The following PTGER3 variants were observed in gnomAD, a reference collection of about 807,000 sequenced individuals.
PTGER3 encodes prostaglandin E2 receptor EP3 subtype.
Under a neutral mutation model 34.7 loss-of-function variants are expected in PTGER3, and 22 were observed. The observed-to-expected ratio is 0.63, with a 90% CI of 0.45 to 0.91. PTGER3 has a LOEUF of 0.91. Ranked by LOEUF, PTGER3 falls within the 40% of genes least tolerant of loss-of-function variation. The probability of loss-of-function intolerance (pLI) is 0.00; values close to 1 mark genes in which losing one functional copy is unlikely to be tolerated. For synonymous variants in PTGER3, 241 were observed against 230.1 expected, an observed-to-expected ratio of 1.05 and a Z score of -0.43; for missense variants, 468 against 519.4, an observed-to-expected ratio of 0.90 and a Z score of 0.96.
intron 4 of PTGER3, among the ~76,000 whole-genome samples, chr1:70,878,766 C>T (rs1246325956): frequency 2.0e-5 from 3 of 152,012 alleles, no homozygotes; most frequent in African/African-American, 7.2e-5. Context: ...AATTTCCATA[C>T]AATTGTATTG....
chr1:70,918,952 G>C (rs899901945), intron 4 of PTGER3, among the ~76,000 whole-genome samples: 4 of 152,044 alleles, frequency 2.6e-5, no homozygotes. Flanking sequence ...CAATGAAATA[G>C]TTATAGTTTC....
chr1:70,962,111 T>A (rs532116235), intron 2 of PTGER3, among the ~76,000 whole-genome samples: 1 of 152,214 alleles, frequency 6.6e-6, no homozygotes, highest in South Asian at 2.1e-4. Context: ...AGATCAGATA[T>A]AGAGTCTTGA....
chr1:70,943,093 A>G (rs1337512056), intron 4 of PTGER3, among the ~76,000 whole-genome samples: 1 of 152,058 alleles, frequency 6.6e-6, no homozygotes, highest in African/African-American at 2.4e-5. Context: ...TATCTTTGCT[A>G]TTTTTCAATC....
intron 2 of PTGER3, among the ~76,000 whole-genome samples, chr1:70,989,637 A>G (rs2100762992): frequency 6.6e-6 from 1 of 152,346 alleles, no homozygotes; most frequent in South Asian, 2.1e-4. Flanking sequence ...GAGACTGAAA[A>G]TAAAAATAAA....
At chr1:70,952,941 A>G in exon 4 of PTGER3, 3 of 1,611,998 alleles carry the variant, frequency 1.9e-6, no homozygotes, top group Non-Finnish European at 2.5e-6. Flanking sequence ...TCTGGTGTAC[A>G]CATTAATGCT....
intron 1 of PTGER3, among the ~76,000 whole-genome samples, chr1:71,026,198 T>G (rs946917714): frequency 1.3e-5 from 2 of 152,210 alleles, no homozygotes; most frequent in African/African-American, 2.4e-5. Flanking sequence ...ACCAGCTTTC[T>G]TTACAGCTAA....
chr1:71,009,065 T>C (rs1470610193), intron 2 of PTGER3: 1 of 985,072 alleles, frequency 1.0e-6, no homozygotes, highest in African/African-American at 1.7e-5. Context: ...GTGGAGAAGG[T>C]TGAAAGCTGA....
At chr1:70,983,989 A>T (rs1654650769) in intron 2 of PTGER3, among the ~76,000 whole-genome samples, 1 of 152,186 alleles carries the variant, frequency 6.6e-6, no homozygotes, top group Admixed American at 6.5e-5. Context: ...CCGGAAGACG[A>T]ACGGTACACA....
At chr1:70,876,352 G>A (rs1226509307) in intron 4 of PTGER3, among the ~76,000 whole-genome samples, 3 of 150,118 alleles carry the variant, frequency 2.0e-5, no homozygotes, top group East Asian at 2.0e-4. Flanking sequence ...TTTGTTAGAT[G>A]TGTAGTTTGC....
intron 2 of PTGER3, among the ~76,000 whole-genome samples, chr1:70,956,801 C>T (rs562439703): frequency 1.3e-5 from 2 of 152,170 alleles, no homozygotes; most frequent in African/African-American, 2.4e-5. Flanking sequence ...GCCAGGGGTT[C>T]GAGAACAGCC....
chr1:71,007,856 C>A (rs1657104131), intron 2 of PTGER3: 14 of 985,148 alleles, frequency 1.4e-5, no homozygotes, highest in Non-Finnish European at 1.7e-5. Flanking sequence ...TGAAGAGATG[C>A]ACAAATGATA....
At chr1:71,007,768 CT>C (rs1240517014) in intron 2 of PTGER3, 1 of 985,140 alleles carries the variant, frequency 1.0e-6, no homozygotes, top group African/African-American at 1.7e-5. Flanking sequence ...TAATGATTGG[CT>C]GTTTTTGCCT....
intron 4 of PTGER3, among the ~76,000 whole-genome samples, chr1:70,931,539 T>C (rs1021935854): frequency 6.6e-6 from 1 of 152,210 alleles, no homozygotes; most frequent in Non-Finnish European, 1.5e-5. Context: ...TTTCTATGTA[T>C]CCTCTGAAAT....
At chr1:70,991,268 A>C (rs1424570292) in intron 2 of PTGER3, among the ~76,000 whole-genome samples, 1 of 151,932 alleles carries the variant, frequency 6.6e-6, no homozygotes, top group South Asian at 2.1e-4. Context: ...TGCACATTAC[A>C]CTTTGGTTTT....
chr1:70,889,476 T>A (rs1272156089), intron 4 of PTGER3, among the ~76,000 whole-genome samples: 2 of 152,084 alleles, frequency 1.3e-5, no homozygotes, highest in African/African-American at 2.4e-5. Context: ...TTATTTATTT[T>A]ATGTTAATGA....
chr1:70,932,266 C>T (rs950706870), intron 4 of PTGER3, among the ~76,000 whole-genome samples: 1 of 152,172 alleles, frequency 6.6e-6, no homozygotes, highest in Non-Finnish European at 1.5e-5. Context: ...CAAAGCCATT[C>T]ATCAAGTCTC....
chr1:70,922,250 G>A lies in PTGER3; in HGVS notation c.*23+31513C>T, dbSNP rs999376779. ...AAGAAAGAGATTTTATATAAGAAAC[G>A]ATCTTCTATGGTAAATTCTTGTCCT... On this transcript the variant is annotated intron_variant, in intron 4 of 4. Coordinates refer to the PTGER3 transcript ENST00000370931. Among the ~76,000 whole-genome samples, 4 of 152,072 alleles carry A rather than the reference G, an allele frequency of 2.6e-5. No homozygotes were observed. In the East Asian group the frequency reaches 7.7e-4, roughly 29 times the overall value.
intron 4 of PTGER3, among the ~76,000 whole-genome samples, chr1:70,946,712 G>C (rs1650258953): frequency 6.6e-6 from 1 of 152,096 alleles, no homozygotes; most frequent in African/African-American, 2.4e-5. Context: ...GGCACAGTTT[G>C]CCTACCGGAA....
chr1:70,869,291 CA>C, intron 4 of PTGER3: 1 of 471,622 alleles, frequency 2.1e-6, no homozygotes. Flanking sequence ...CCATGCATGA[CA>C]AAAACACCTT....
Sources: gnomAD v4.1 joint callset for allele counts (sites outside exome capture counted in the v4.1 genomes callset) on GRCh38, gnomAD v4.1.1 for gene constraint, MANE v1.5 for transcripts, NCBI Gene and HGNC (gene_info 2026-07-23, HGNC 2026-07-21) for gene names.